Variants in ARHGAP10 observed in about 807,000 individuals in gnomAD.
The protein encoded by ARHGAP10 is Rho GTPase activating protein 10.
A neutral mutation model predicts 108.6 loss-of-function variants in ARHGAP10; 87 were observed. The observed-to-expected ratio is 0.80, with a 90% confidence interval of 0.67 to 0.96. ARHGAP10 has a LOEUF of 0.96. ARHGAP10 is among the 40% of genes least tolerant of loss of function. The pLI is 0.00. For missense variants in ARHGAP10, 939 were observed against 954.5 expected, an observed-to-expected ratio of 0.98 and a Z score of 0.21; for synonymous variants, 347 against 341.1, an observed-to-expected ratio of 1.02 and a Z score of -0.19.
intron 22 of ARHGAP10, among the ~76,000 whole-genome samples, chr4:148,069,184 G>C (rs1031787083): frequency 3.3e-5 from 5 of 152,140 alleles, no homozygotes; most frequent in Admixed American, 6.5e-5. Flanking sequence ...GAGAGGGAGG[G>C]AGAGCCTGCC....
At chr4:147,860,235 G>GA (rs1309665578) in intron 5 of ARHGAP10, among the ~76,000 whole-genome samples, 1 of 152,214 alleles carries the variant, frequency 6.6e-6, no homozygotes, top group Non-Finnish European at 1.5e-5. Flanking sequence ...GAGATCAGGA[G>GA]ATCCAGACCA....
rs551388719 is a variant in ARHGAP10 at position 148,010,192 on chromosome 4, C to T, written c.1717-13071C>T. On this transcript the variant is annotated intron_variant, in intron 18 of 22. Transcript: ENST00000336498. Reference sequence around the variant, plus strand: ...AGGAATATAGTGATTAAATGGTATACCTGTGTTAATAACATGATGTTGGAG... The same window carrying T: ...AGGAATATAGTGATTAAATGGTATATCTGTGTTAATAACATGATGTTGGAG... Among the ~76,000 whole-genome samples the T allele has an allele frequency of 5.9e-5, 9 of 152,094 alleles. No homozygotes were observed. The South Asian group carries it at 1.7e-3, about 28-fold the overall frequency.
At chr4:147,927,999 C>G (rs1016164269) in intron 13 of ARHGAP10, among the ~76,000 whole-genome samples, 1 of 152,204 alleles carries the variant, frequency 6.6e-6, no homozygotes, top group African/African-American at 2.4e-5. Flanking sequence ...GAAAGAATAG[C>G]AACAAGTCTA....
At chr4:148,037,390 T>G (rs1578813497) in intron 19 of ARHGAP10, among the ~76,000 whole-genome samples, 1 of 152,338 alleles carries the variant, frequency 6.6e-6, no homozygotes, top group East Asian at 1.9e-4. Flanking sequence ...TAAAACAGAA[T>G]GCCATACAAG....
intron 1 of ARHGAP10, among the ~76,000 whole-genome samples, chr4:147,784,512 C>G (rs1366129923): frequency 1.3e-5 from 1 of 75,238 alleles, no homozygotes; most frequent in Non-Finnish European, 2.5e-5. Flanking sequence ...ATATATACTG[C>G]AAAATATATA....
chr4:148,067,009 G>A (rs1053841288), intron 22 of ARHGAP10, among the ~76,000 whole-genome samples: 33 of 152,258 alleles, frequency 2.2e-4, no homozygotes, highest in Non-Finnish European at 4.1e-4. Context: ...TTTGCTGGCT[G>A]GGGCACCCCG....
intron 10 of ARHGAP10, among the ~76,000 whole-genome samples, chr4:147,900,340 A>G (rs1736189034): frequency 6.6e-6 from 1 of 152,222 alleles, no homozygotes; most frequent in South Asian, 2.1e-4. Context: ...GAATTTATGA[A>G]TTTAAGAACT....
chr4:147,947,803 G>C (rs948513724), intron 15 of ARHGAP10, among the ~76,000 whole-genome samples: 1 of 152,066 alleles, frequency 6.6e-6, no homozygotes, highest in African/African-American at 2.4e-5. Flanking sequence ...GACGTATTTT[G>C]TATTTTTAAA....
rs968473677 is a variant in ARHGAP10, at chr4:148,023,376, C to T, written c.1830C>T (p.Pro610=). Residue 610 remains proline, a synonymous_variant, in exon 19 of 23, where the codon CCC becomes CCT. Transcript: ENST00000336498. ...GACAAGGCCAGAGAACCAAGAGGCC[C>T]GTGGCCGTCTACAATCTTTGTCTGG... The part of the protein sequence containing the change: ...SKRQGQRTKR[P]VAVYNLCLEL... 5 of 1,613,900 alleles carry T rather than the reference C, an allele frequency of 3.1e-6. No homozygotes were observed. The highest frequency in any genetic ancestry group is 1.7e-5 in the Admixed American group (1 of 59,994).
intron 20 of ARHGAP10, among the ~76,000 whole-genome samples, chr4:148,047,927 A>G (rs1202225337): frequency 1.3e-5 from 2 of 151,878 alleles, no homozygotes; most frequent in Non-Finnish European, 2.9e-5. Flanking sequence ...GGTTTAAGTG[A>G]TTCTCCTGCC....
intron 10 of ARHGAP10, among the ~76,000 whole-genome samples, chr4:147,886,518 AC>A (rs1404014884): frequency 1.3e-5 from 2 of 152,152 alleles, no homozygotes; most frequent in Non-Finnish European, 2.9e-5. Context: ...TTCGTCGTGC[AC>A]TCACTTTCTT....
At chr4:148,051,054 G>C (rs1049351846) in intron 20 of ARHGAP10, among the ~76,000 whole-genome samples, 2 of 152,208 alleles carry the variant, frequency 1.3e-5, no homozygotes, top group Non-Finnish European at 2.9e-5. Flanking sequence ...TGTCCACTGG[G>C]AAGCAGTTTG....
At position 147,892,688 on chromosome 4, in the gene ARHGAP10, G is replaced by A. The variant is rs112374126; in HGVS notation, c.1034+10756G>A. Among the ~76,000 whole-genome samples, 136 of 152,274 alleles carry A rather than the reference G, an allele frequency of 8.9e-4. 4 individuals carry two copies. In the East Asian group the frequency reaches 0.018, roughly 20 times the overall value. ...AACCAGTTTGGAGACTCAGAGGAAG[G>A]GGGGCCCAAGGCAAAAAGGAATCAC... On this transcript the variant is annotated intron_variant, in intron 10 of 22. Coordinates refer to ENST00000336498, the MANE Select transcript of ARHGAP10 (RefSeq NM_024605.4).
chr4:147,880,721 T>C (rs1188695737), intron 9 of ARHGAP10, among the ~76,000 whole-genome samples: 1 of 152,200 alleles, frequency 6.6e-6, no homozygotes, highest in Admixed American at 6.5e-5. Context: ...AAAGATAAAT[T>C]CAGGGTGATT....
intron 1 of ARHGAP10, among the ~76,000 whole-genome samples, chr4:147,788,343 A>T (rs1730979764): frequency 6.6e-6 from 1 of 152,150 alleles, no homozygotes; most frequent in African/African-American, 2.4e-5. Flanking sequence ...GCTACTCAGG[A>T]GGCTGGGACA....
Position 148,070,455 on chromosome 4 carries a change from G to A in ARHGAP10, c.2273-1538G>A, listed in dbSNP as rs1578849791. ...GTTCCTATTCATCCAGGGGAGGGAA[G>A]AACAAACAGTTACCTTGTTGCAAAG... On this transcript the variant is annotated intron_variant, in intron 22 of 22. Transcript: ENST00000336498. Among the ~76,000 whole-genome samples the A allele has an allele frequency of 2.0e-5, 3 of 152,306 alleles. No homozygotes were observed. The South Asian group carries it at 6.2e-4, about 32-fold the overall frequency.
chr4:147,940,005 C>A, intron 14 of ARHGAP10, 106 bp downstream of exon 14: 1 of 1,110,646 alleles, frequency 9.0e-7, no homozygotes, highest in East Asian at 2.4e-5. Context: ...CATTCCATTC[C>A]TCTACTTTCT....
intron 7 of ARHGAP10, among the ~76,000 whole-genome samples, chr4:147,868,960 A>C (rs1734686338): frequency 6.6e-6 from 1 of 151,772 alleles, no homozygotes; most frequent in African/African-American, 2.4e-5. Context: ...ATTATAACTT[A>C]TGTTTTCCCC....
intron 10 of ARHGAP10, among the ~76,000 whole-genome samples, chr4:147,901,898 G>A (rs1736264578): frequency 1.3e-5 from 2 of 152,318 alleles, no homozygotes; most frequent in South Asian, 2.1e-4. Context: ...ATGAGCATCA[G>A]TGGAAAACTT....
Sources: allele counts gnomAD v4.1 joint callset (sites outside exome capture counted in the v4.1 genomes callset), GRCh38; gene constraint gnomAD v4.1.1; transcripts MANE v1.5; gene names NCBI Gene and HGNC (gene_info 2026-07-23, HGNC 2026-07-21).